Variants in DNAJC12 observed in about 807,000 individuals in gnomAD.
The protein encoded by DNAJC12 is DnaJ heat shock protein family (Hsp40) member C12.
A neutral mutation model predicts 28.5 loss-of-function variants in DNAJC12; 25 were observed. That is an observed-to-expected ratio of 0.88 (90% CI 0.64 to 1.22). The LOEUF (loss-of-function observed/expected upper bound fraction) is 1.22, where lower values mean the gene tolerates loss of function less well. Among genes scored for constraint, DNAJC12 ranks in the 50% most tolerant of loss-of-function variants. The probability of loss-of-function intolerance (pLI) is 0.00; values close to 1 mark genes in which losing one functional copy is unlikely to be tolerated. For synonymous variants in DNAJC12, 77 were observed against 80.6 expected, an observed-to-expected ratio of 0.95 and a Z score of 0.24; for missense variants, 222 against 231.7, an observed-to-expected ratio of 0.96 and a Z score of 0.27.
At chr10:67,811,390 A>G in intron 3 of DNAJC12, 134 bp downstream of exon 3, 1 of 1,512,080 alleles carries the variant, frequency 6.6e-7, no homozygotes, top group Non-Finnish European at 8.8e-7. Context: ...CGGACACTGA[A>G]TTATATCCAG....
intron 4 of DNAJC12, among the ~76,000 whole-genome samples, chr10:67,805,115 C>A (rs566946877): frequency 6.6e-6 from 1 of 152,104 alleles, no homozygotes; most frequent in African/African-American, 2.4e-5. Context: ...TGAAGTCAAC[C>A]TGCCTTGGTT....
At position 67,811,653 on chromosome 10, in the gene DNAJC12, A is replaced by G; in HGVS notation, c.168T>C (p.Phe56=). 6.2e-7 allele frequency: 1 copy of G among 1,612,852 alleles called. No individual in the cohort carries two copies. Among genetic ancestry groups the G allele is most frequent in the Non-Finnish European group, 8.5e-7 (1 of 1,179,496 alleles). ...HPENPKAVET[F]QKLQKAKEIL... is the part of the protein sequence containing the mutation. Reference sequence around the variant, plus strand: ...TCTCCTTTGCCTTCTGCAGTTTCTGAAAAGTCTCCACTGGAAAACAAATCA... The same window carrying G: ...TCTCCTTTGCCTTCTGCAGTTTCTGGAAAGTCTCCACTGGAAAACAAATCA... The change falls in exon 3 of 5, where the codon TTT becomes TTC. Residue 56 remains phenylalanine, a synonymous_variant. Transcript: ENST00000225171.
intron 4 of DNAJC12, among the ~76,000 whole-genome samples, chr10:67,804,650 G>C (rs181530343): frequency 1.9e-4 from 29 of 152,344 alleles, no homozygotes; most frequent in African/African-American, 6.7e-4. Context: ...AGGTAGTGTA[G>C]CTTGGTAGCC....
At chr10:67,830,645 A>G (rs188743596) in intron 1 of DNAJC12, among the ~76,000 whole-genome samples, 74 of 151,296 alleles carry the variant, frequency 4.9e-4, no homozygotes, top group African/African-American at 1.7e-3. Flanking sequence ...AAATAAATAA[A>G]TAAATAAATA....
intron 1 of DNAJC12, 28 bp from the exon 2 acceptor site, chr10:67,823,420 AAG>A: frequency 6.2e-7 from 1 of 1,604,894 alleles, no homozygotes; most frequent in South Asian, 1.1e-5. Flanking sequence ...GTTTAAAATA[AAG>A]AGTCATGCCA....
chr10:67,810,107 A>G (rs1227103213), intron 3 of DNAJC12, among the ~76,000 whole-genome samples: 2 of 152,140 alleles, frequency 1.3e-5, no homozygotes, highest in Non-Finnish European at 2.9e-5. Flanking sequence ...GAAACTTACA[A>G]TCATGGCGGA....
chr10:67,809,005 A>C (rs1018438500), intron 3 of DNAJC12, among the ~76,000 whole-genome samples: 1 of 152,212 alleles, frequency 6.6e-6, no homozygotes, highest in African/African-American at 2.4e-5. Flanking sequence ...ACCCAGAAAC[A>C]ATCAGCAGAC....
At position 67,831,758 on chromosome 10, in the gene DNAJC12, T is replaced by C. The variant is rs535777455; in HGVS notation, c.78+6176A>G. Among the ~76,000 whole-genome samples, 3 of 152,308 alleles carry C rather than the reference T, an allele frequency of 2.0e-5. 1 individual carries two copies. Among genetic ancestry groups the C allele is most frequent in the African/African-American group, 7.2e-5 (3 of 41,566 alleles). On this transcript the variant is annotated intron_variant, in intron 1 of 4. Transcript: ENST00000225171. Reference sequence around the variant, plus strand: ...TATACACTAGCATCATGTCTCACCTTTTTGTTTTGTTTTGTTTTGTTCCCC... The same window carrying C: ...TATACACTAGCATCATGTCTCACCTCTTTGTTTTGTTTTGTTTTGTTCCCC...
intron 3 of DNAJC12, among the ~76,000 whole-genome samples, chr10:67,807,165 G>T (rs536155848): frequency 2.6e-4 from 39 of 151,816 alleles, no homozygotes; most frequent in Non-Finnish European, 4.9e-4. Context: ...GGAGGCTGAG[G>T]CACGAGAATC....
At chr10:67,799,703 T>A (rs965850713) in intron 4 of DNAJC12, among the ~76,000 whole-genome samples, 3 of 151,658 alleles carry the variant, frequency 2.0e-5, no homozygotes, top group Admixed American at 1.3e-4. Context: ...ACCAACATGG[T>A]GAAACCCCGT....
In DNAJC12 at chr10:67,811,627, A is replaced by C. The variant is rs752325472; in HGVS notation, c.194T>G (p.Ile65Ser). The stretch of plus-strand genomic sequence containing the variant: ...GGCTCGACTCTCTTCATTGGTCAGA[A>C]TCTCCTTTGCCTTCTGCAGTTTCTG... ...TFQKLQKAKE[I>S]LTNEESRARY... is the part of the protein sequence containing the mutation. The change falls in exon 3 of 5, where the codon ATT becomes AGT. Residue 65 changes from isoleucine to serine, a missense_variant. Physicochemically the swap from Ile to Ser is moderately radical, Grantham distance 142. Coordinates refer to ENST00000225171, the MANE Select transcript of DNAJC12 (RefSeq NM_021800.3). The C allele has an allele frequency of 1.2e-6, 2 of 1,614,082 alleles. No homozygotes were observed. Among genetic ancestry groups the C allele is most frequent in the East Asian group, 4.5e-5 (2 of 44,880 alleles).
chr10:67,833,660 C>G, intron 1 of DNAJC12: 1 of 272,418 alleles, frequency 3.7e-6, no homozygotes, highest in Non-Finnish European at 7.5e-6. Flanking sequence ...TGCTTGCGAT[C>G]GGTGGCTGCG....
intron 1 of DNAJC12, among the ~76,000 whole-genome samples, chr10:67,832,194 G>T (rs1393060067): frequency 6.6e-6 from 1 of 151,472 alleles, no homozygotes; most frequent in Non-Finnish European, 1.5e-5. Flanking sequence ...GAACCCGGGA[G>T]GCGAAGGTTG....
At chr10:67,831,888 G>A (rs2131815919) in intron 1 of DNAJC12, among the ~76,000 whole-genome samples, 1 of 152,328 alleles carries the variant, frequency 6.6e-6, no homozygotes, top group East Asian at 1.9e-4. Context: ...TGTAATAGGA[G>A]CTTTCTGAAA....
At chr10:67,805,840 T>C in intron 3 of DNAJC12, 53 bp from the exon 4 acceptor site, 3 of 1,402,584 alleles carry the variant, frequency 2.1e-6, no homozygotes, top group Admixed American at 2.6e-5. Flanking sequence ...TATATGATTT[T>C]CTATATTTAA....
intron 3 of DNAJC12, 120 bp downstream of exon 3, chr10:67,811,404 C>T: frequency 1.3e-6 from 2 of 1,530,944 alleles, no homozygotes; most frequent in Non-Finnish European, 1.8e-6. Flanking sequence ...TATCCAGACT[C>T]TGCTAACTTC....
At chr10:67,816,478 C>T (rs1841917076) in intron 2 of DNAJC12, among the ~76,000 whole-genome samples, 1 of 151,374 alleles carries the variant, frequency 6.6e-6, no homozygotes, top group African/African-American at 2.4e-5. Flanking sequence ...ATCCAAATGT[C>T]CTTGAAGTTT....
intron 1 of DNAJC12, among the ~76,000 whole-genome samples, chr10:67,831,273 A>T (rs1280373204): frequency 6.6e-6 from 1 of 152,228 alleles, no homozygotes; most frequent in African/African-American, 2.4e-5. Flanking sequence ...ATGCACAGAT[A>T]ATTAACATGT....
chr10:67,818,324 T>TA (rs1162453852), intron 2 of DNAJC12, among the ~76,000 whole-genome samples: 3 of 152,186 alleles, frequency 2.0e-5, no homozygotes, highest in Admixed American at 6.5e-5. Context: ...TTAAATAGAT[T>TA]AAAAAACAAC....
Sources: allele counts gnomAD v4.1 joint callset (sites outside exome capture counted in the v4.1 genomes callset), GRCh38; gene constraint gnomAD v4.1.1; transcripts MANE v1.5; gene names NCBI Gene and HGNC (gene_info 2026-07-23, HGNC 2026-07-21).